MYO19: variants seen among roughly 807,000 people sequenced by gnomAD.
The protein encoded by MYO19 is myosin XIX.
Under a neutral mutation model 129.2 loss-of-function variants are expected in MYO19, and 132 were observed. The ratio of observed to expected loss-of-function variants is 1.02; its 90% confidence interval spans 0.89 to 1.18. MYO19 has a LOEUF of 1.18. MYO19 is among the 50% of genes most tolerant of loss of function. The pLI, the probability that MYO19 is intolerant of heterozygous loss-of-function variation, is 0.00. For synonymous variants in MYO19, 531 were observed against 477.2 expected (o/e 1.11, Z -1.47); for missense variants, 1,210 against 1,216.7 (o/e 0.99, Z 0.08).
chr17:36,509,229 G>C (rs1599282488), intron 13 of MYO19, 94 bp from the exon 14 acceptor site: 15 of 1,076,912 alleles, frequency 1.4e-5, no homozygotes, highest in Non-Finnish European at 1.8e-5. Flanking sequence ...TACACCCTGG[G>C]GGGCCCTTGT....
chr17:36,510,518 G>C (rs558767993), intron 13 of MYO19, among the ~76,000 whole-genome samples: 15 of 152,316 alleles, frequency 9.8e-5, no homozygotes, highest in African/African-American at 2.9e-4. Context: ...ATTCTGGCCA[G>C]GAATGTAGCA....
intron 4 of MYO19, 110 bp downstream of exon 4, chr17:36,527,954 G>C (rs1012220507): frequency 6.2e-6 from 9 of 1,448,048 alleles, no homozygotes; most frequent in Middle Eastern, 2.1e-4. Context: ...CCTGGCTCCA[G>C]ATCAGGAGTC....
rs377461245 is a variant in MYO19, at chr17:36,498,261, C to G, written c.2757+5G>C. On this transcript the variant is annotated splice_donor_5th_base_variant and intron_variant, in intron 25 of 25. Coordinates refer to ENST00000614623, the MANE Select transcript of MYO19 (RefSeq NM_001163735.2). ...AAGCTGTCATGGCCATCACACACAACGTACCTGAGGCAGCGCTCGGATGGA... is the reference window on the plus strand; with the variant it reads ...AAGCTGTCATGGCCATCACACACAAGGTACCTGAGGCAGCGCTCGGATGGA... 21 of 1,607,548 alleles carry G rather than the reference C, an allele frequency of 1.3e-5. No homozygotes were observed. In the South Asian group the frequency reaches 2.0e-4, roughly 15 times the overall value.
In MYO19 at chr17:36,514,602, G is replaced by A; in HGVS notation, c.618-54C>T. On this transcript the variant is annotated intron_variant, in intron 8 of 25. Coordinates refer to ENST00000614623, the MANE Select transcript of MYO19 (RefSeq NM_001163735.2). ...AGTTGCCCATTCATTCCATAGCCAT[G>A]TCTGGCAATCTGGGTGTGCCAGATT... The A allele has an allele frequency of 1.6e-6, 2 of 1,236,376 alleles. 1 individual carries two copies. 76.6% of individuals were successfully genotyped at this position (1,236,376 alleles called of 1,614,324 possible).
At chr17:36,538,395 G>A (rs750442071), upstream of MYO19, 8 of 1,613,934 alleles carry the variant, frequency 5.0e-6, no homozygotes, top group African/African-American at 2.7e-5. Flanking sequence ...CCCTGAAGCC[G>A]AAAGAATGGA....
Position 36,498,378 on chromosome 17 carries a change from C to T in MYO19, c.2645G>A (p.Arg882Lys), listed in dbSNP as rs1375380491. 1.2e-6 allele frequency: 2 copies of T among 1,613,916 alleles called. No homozygotes were observed. The highest frequency in any genetic ancestry group is 1.7e-5 in the Admixed American group (1 of 60,010). The change falls in exon 25 of 26, where the codon AGG (arginine) becomes AAG (lysine). Residue 882 changes from arginine to lysine, a missense_variant. Arg to Lys is a conservative substitution (Grantham distance 26). Transcript: ENST00000614623. ...NTAMGVGSFQ[R>K]KLVVWACLQL... ...GAGGCAAGCCCAGACCACTAATTTCCTCTGAAAGCTGCCTACACCCATAGC... is the reference window on the plus strand; with the variant it reads ...GAGGCAAGCCCAGACCACTAATTTCTTCTGAAAGCTGCCTACACCCATAGC...
intron 11 of MYO19, among the ~76,000 whole-genome samples, chr17:36,512,383 C>T (rs11263764): frequency 0.4 from 57,104 of 143,468 alleles, 11,957 homozygotes; most frequent in Non-Finnish European, 0.47. Context: ...GAGTAAAACT[C>T]CATCTCAAAA....
chr17:36,524,238 C>T (rs899997714), intron 6 of MYO19, among the ~76,000 whole-genome samples: 9 of 152,150 alleles, frequency 5.9e-5, no homozygotes, highest in African/African-American at 1.7e-4. Flanking sequence ...AACTTACTGT[C>T]TTTGTTTTCT....
intron 1 of MYO19, among the ~76,000 whole-genome samples, chr17:36,534,483 T>C (rs988937279): frequency 2.7e-5 from 4 of 150,550 alleles, no homozygotes; most frequent in African/African-American, 7.3e-5. Flanking sequence ...GGGCGAAGAG[T>C]GGAGCAAGGA....
At chr17:36,501,038 C>A in intron 22 of MYO19, 31 bp downstream of exon 22, 1 of 1,603,372 alleles carries the variant, frequency 6.2e-7, no homozygotes, top group Non-Finnish European at 8.5e-7. Context: ...CAGCTTGCCT[C>A]TGTAACCTCC....
At chr17:36,531,986 C>G (rs1301339898) in intron 3 of MYO19, among the ~76,000 whole-genome samples, 1 of 152,202 alleles carries the variant, frequency 6.6e-6, no homozygotes, top group Non-Finnish European at 1.5e-5. Flanking sequence ...GATTTGGAAT[C>G]CTACAGGCCT....
chr17:36,504,290 C>T (rs1452279513), intron 19 of MYO19: 9 of 449,648 alleles, frequency 2.0e-5, no homozygotes, highest in Admixed American at 4.0e-5. Flanking sequence ...GTCCTGGCTC[C>T]GTCTCACCCT....
At chr17:36,520,068 T>C (rs2073044563) in intron 6 of MYO19, among the ~76,000 whole-genome samples, 1 of 152,044 alleles carries the variant, frequency 6.6e-6, no homozygotes, top group Admixed American at 6.6e-5. Context: ...TTCCTCCTCC[T>C]GGGTTCAAGC....
At position 36,510,889 on chromosome 17, in the gene MYO19, C is replaced by T; in HGVS notation, c.1014G>A (p.Leu338=). Residue 338 remains leucine (L), a synonymous_variant, in exon 13 of 26, where the codon CTG becomes CTA. Transcript: ENST00000614623. ...CCAGCAGCACGTCCTCTGGGAGCCC[C>T]AGCAGCGAGGCTGCCGTCCTGACAG... The part of the protein sequence containing the change: ...KYSVRTAASL[L]GLPEDVLLEM... 3 of 1,581,366 alleles carry T rather than the reference C, an allele frequency of 1.9e-6. No homozygotes were observed. The South Asian group carries it at 3.5e-5, about 18-fold the overall frequency.
chr17:36,516,947 T>C (rs1303374062), intron 6 of MYO19, among the ~76,000 whole-genome samples: 1 of 152,202 alleles, frequency 6.6e-6, no homozygotes. Flanking sequence ...CCTTAAATGT[T>C]TGGTAGAATT....
At position 36,505,371 on chromosome 17, in the gene MYO19, T is replaced by C. The variant is rs1366801109; in HGVS notation, c.1831A>G (p.Ser611Gly). ...CAGCGAATGTAGTGGGGCGTGGTGC[T>C]GTGTAGGACCTGCAGAAGCTGCTCC... ...SLEQLLQVLHSTTPHYIRCIK... is the reference protein window; with the variant it reads ...SLEQLLQVLHGTTPHYIRCIK... Residue 611 changes from serine (S) to glycine (G), a missense_variant, in exon 19 of 26, where the codon AGC becomes GGC. Physicochemically the swap from Ser to Gly is moderately conservative, Grantham distance 56. Coordinates refer to ENST00000614623, the MANE Select transcript of MYO19 (RefSeq NM_001163735.2). 2 of 1,614,208 alleles carry C rather than the reference T, an allele frequency of 1.2e-6. No homozygotes were observed. Among genetic ancestry groups the C allele is most frequent in the East Asian group, 2.2e-5 (1 of 44,884 alleles).
intron 18 of MYO19, among the ~76,000 whole-genome samples, chr17:36,506,058 G>A (rs779673235): frequency 2.6e-5 from 4 of 152,156 alleles, no homozygotes; most frequent in Admixed American, 6.5e-5. Flanking sequence ...AAGGTGGGGC[G>A]GTACATGCAA....
chr17:36,539,809 A>G (rs1276877752), upstream of MYO19, among the ~76,000 whole-genome samples: 1 of 152,306 alleles, frequency 6.6e-6, no homozygotes, highest in East Asian at 1.9e-4. Flanking sequence ...GTGAAATGCT[A>G]AGTTATGAAG....
rs763351413 is a variant in MYO19, at chr17:36,498,293, ACCAG to A, written c.2726_2729del (p.Ala909ValfsTer13). 4.3e-6 allele frequency: 7 copies of A among 1,613,228 alleles called. No individual in the cohort carries two copies. Among genetic ancestry groups the A allele is most frequent in the Non-Finnish European group, 5.9e-6 (7 of 1,179,436 alleles). On this transcript the variant is annotated frameshift_variant, in exon 25 of 26. Transcript: ENST00000614623. LOFTEE classifies it high-confidence loss of function. ...GAGGCAGCGCTCGGATGGACGTGAC[ACCAG>A]CCTGGTCTTGTGCTGTCTGGACAGT...
Sources: allele counts gnomAD v4.1 joint callset (sites outside exome capture counted in the v4.1 genomes callset), GRCh38; gene constraint gnomAD v4.1.1; transcripts MANE v1.5; gene names NCBI Gene and HGNC (gene_info 2026-07-23, HGNC 2026-07-21).